Variants in SOX5 observed in about 807,000 individuals in gnomAD.
SOX5 encodes the protein transcription factor SOX-5.
SOX5 carries 9 observed loss-of-function variants against 92.0 expected under a neutral mutation model. The ratio of observed to expected loss-of-function variants is 0.10; its 90% CI spans 0.06 to 0.17. SOX5 has a LOEUF of 0.17. Among genes scored for constraint, SOX5 ranks in the 10% least tolerant of loss-of-function variants. The pLI, the probability that SOX5 is intolerant of heterozygous loss-of-function variation, is 1.00. For synonymous variants in SOX5, 344 were observed against 336.3 expected (o/e 1.02, Z -0.25); for missense variants, 642 against 944.5 (o/e 0.68, Z 4.20).
intron 3 of SOX5, among the ~76,000 whole-genome samples, chr12:24,276,930 A>G (rs1944498671): frequency 6.6e-6 from 1 of 152,118 alleles, no homozygotes; most frequent in Non-Finnish European, 1.5e-5. Context: ...AAAAGCTTTC[A>G]CAACTTCAGA....
chr12:24,201,539 T>C lies in SOX5; in HGVS notation c.-2+11804A>G, dbSNP rs192227670. On this transcript the variant is annotated intron_variant, in intron 4 of 4. Coordinates refer to the SOX5 transcript ENST00000446891. ...CTCATCTATAAAATATAGTTAATGA[T>C]GTCAATCTCTCTGCTGACATCTTGT... Among the ~76,000 whole-genome samples the C allele has an allele frequency of 2.6e-3, 398 of 152,344 alleles. 3 individuals carry two copies. The highest frequency in any genetic ancestry group is 9.1e-3 in the African/African-American group (378 of 41,576).
In SOX5 at chr12:23,534,473, C is replaced by T. The variant is rs773238080; in HGVS notation, c.2038G>A (p.Ala680Thr). 6 of 1,613,962 alleles carry T rather than the reference C, an allele frequency of 3.7e-6. No homozygotes were observed. The Admixed American group carries it at 1.0e-4, about 27-fold the overall frequency. ...IATAGVVYPG[A>T]IAMAGMPSPH... The stretch of plus-strand genomic sequence containing the variant: ...GAGGGCATCCCAGCCATGGCGATGG[C>T]TCCAGGGTACACAACACCAGCAGTG... The change falls in exon 15 of 15, where the codon GCC (alanine) becomes ACC (threonine). Residue 680 changes from alanine to threonine, a missense_variant. Coordinates refer to ENST00000451604, the MANE Select transcript of SOX5 (RefSeq NM_006940.6).
chr12:23,531,454 G>A lies in SOX5; in HGVS notation c.*2765C>T, dbSNP rs1168005032. 3.3e-5 allele frequency: 5 copies of A among 152,190 alleles called. No individual in the cohort carries two copies. Among genetic ancestry groups the A allele is most frequent in the Non-Finnish European group, 5.9e-5 (4 of 68,042 alleles). 9.4% of individuals were successfully genotyped at this position (152,190 alleles called of 1,614,324 possible). A position where few individuals can be genotyped will look rare whatever the true frequency, so the allele number is the denominator to read the frequency against. ...ATGCCTTCAATGGCATCTACCTGGA[G>A]CTAAAACAAAGTATTCTTGTAGCCC... On this transcript the variant is annotated 3_prime_UTR_variant, in exon 15 of 15. Coordinates refer to ENST00000451604, the MANE Select transcript of SOX5 (RefSeq NM_006940.6).
At chr12:24,157,459 G>C (rs145169846) in intron 4 of SOX5, among the ~76,000 whole-genome samples, 171 of 152,156 alleles carry the variant, frequency 1.1e-3, no homozygotes, top group Non-Finnish European at 1.8e-3. Flanking sequence ...GTCACAACTT[G>C]TTTCTCACCT....
At chr12:23,620,907 T>TA (rs1392666075) in intron 8 of SOX5, among the ~76,000 whole-genome samples, 5 of 152,124 alleles carry the variant, frequency 3.3e-5, no homozygotes, top group Admixed American at 3.3e-4. Flanking sequence ...CTACTCTAAA[T>TA]AATTAGAAAA....
chr12:24,550,721 C>G (rs755441146), intron 1 of SOX5, among the ~76,000 whole-genome samples: 1 of 152,228 alleles, frequency 6.6e-6, no homozygotes, highest in East Asian at 1.9e-4. Context: ...AAATTAAGCA[C>G]AGCAGGAAGA....
At chr12:23,779,637 G>A (rs1006382370) in intron 3 of SOX5, among the ~76,000 whole-genome samples, 1 of 151,154 alleles carries the variant, frequency 6.6e-6, no homozygotes, top group Non-Finnish European at 1.5e-5. Flanking sequence ...GACCTAAAGT[G>A]CATCATAAGG....
chr12:24,243,907 C>T (rs1014986898), intron 3 of SOX5, among the ~76,000 whole-genome samples: 19 of 152,016 alleles, frequency 1.2e-4, no homozygotes, highest in Non-Finnish European at 2.2e-4. Flanking sequence ...TGATTCTTCC[C>T]GGACATGATC....
At chr12:23,585,531 T>C (rs1465827513) in intron 9 of SOX5, among the ~76,000 whole-genome samples, 1 of 152,042 alleles carries the variant, frequency 6.6e-6, no homozygotes. Context: ...TAAGTAAAAA[T>C]AAAATTTAAA....
intron 6 of SOX5, among the ~76,000 whole-genome samples, chr12:23,728,384 G>C (rs574938738): frequency 6.6e-6 from 1 of 152,260 alleles, no homozygotes; most frequent in African/African-American, 2.4e-5. Flanking sequence ...CTCCAAAAGA[G>C]ACAAGGTTAC....
chr12:23,571,513 G>A lies in SOX5; in HGVS notation c.1342+4148C>T, dbSNP rs546289005. 2.0e-4 allele frequency among the ~76,000 whole-genome samples: 31 copies of A among 152,190 alleles called. No homozygotes were observed. In the South Asian group the frequency reaches 5.6e-3, roughly 27 times the overall value. On this transcript the variant is annotated intron_variant, in intron 10 of 14. Coordinates refer to ENST00000451604, the MANE Select transcript of SOX5 (RefSeq NM_006940.6). Reference sequence around the variant, plus strand: ...AAGCAAAACGTATGGCAAAGGAAGAGTATTTAAATCTCATTTATTGTATGG... The same window carrying A: ...AAGCAAAACGTATGGCAAAGGAAGAATATTTAAATCTCATTTATTGTATGG...
chr12:23,761,753 A>T (rs1435690583), intron 3 of SOX5, among the ~76,000 whole-genome samples: 1 of 152,128 alleles, frequency 6.6e-6, no homozygotes, highest in African/African-American at 2.4e-5. Flanking sequence ...ATTAGTAATT[A>T]TTTGATAGGT....
intron 4 of SOX5, among the ~76,000 whole-genome samples, chr12:24,132,197 TAA>T (rs1949712517): frequency 6.6e-6 from 1 of 152,150 alleles, no homozygotes; most frequent in Non-Finnish European, 1.5e-5. Flanking sequence ...AAACGATAGA[TAA>T]TCAGACAATG....
At chr12:23,588,238 T>C (rs1951016924) in intron 9 of SOX5, among the ~76,000 whole-genome samples, 1 of 151,944 alleles carries the variant, frequency 6.6e-6, no homozygotes, top group African/African-American at 2.4e-5. Flanking sequence ...TGAAAGAAAA[T>C]TCAAATAAAG....
chr12:23,716,135 A>T (rs1180042160), intron 6 of SOX5, among the ~76,000 whole-genome samples: 1 of 152,224 alleles, frequency 6.6e-6, no homozygotes, highest in Non-Finnish European at 1.5e-5. Context: ...TTTTTGGTAA[A>T]TCGTGTAACT....
intron 1 of SOX5, among the ~76,000 whole-genome samples, chr12:23,931,270 G>A (rs1424586187): frequency 6.6e-6 from 1 of 151,604 alleles, no homozygotes; most frequent in Non-Finnish European, 1.5e-5. Flanking sequence ...CTATATACGT[G>A]GTCCAATTTC....
chr12:23,640,834 C>G lies in SOX5; in HGVS notation c.995G>C (p.Gly332Ala). The G allele has an allele frequency of 2.5e-6, 4 of 1,613,902 alleles. No individual in the cohort carries two copies. The highest frequency in any genetic ancestry group is 3.4e-6 in the Non-Finnish European group (4 of 1,179,812). The change falls in exon 8 of 15, where the codon GGC (glycine) becomes GCC (alanine). Residue 332 changes from glycine to alanine, a missense_variant. Coordinates refer to ENST00000451604, the MANE Select transcript of SOX5 (RefSeq NM_006940.6). Reference protein sequence around the residue: ...TMAAAAAATPGLGPLQLQQLY... With the variant: ...TMAAAAAATPALGPLQLQQLY... ...TACCTGCAGTTGGAGTGGGCCTAAG[C>G]CTGGTGTTGCTGCGGCAGCAGCTGC...
chr12:23,740,998 C>A lies in SOX5; in HGVS notation c.610G>T (p.Gly204Cys). The change falls in exon 5 of 15, where the codon GGT (glycine) becomes TGT (cysteine). Residue 204 changes from glycine to cysteine, a missense_variant. Physicochemically the swap from Gly to Cys is radical, Grantham distance 159 (BLOSUM62 -3). This residue lies in a region of SOX5 where 324 missense variants were observed against 461.6 expected (regional missense o/e 0.70). Transcript: ENST00000451604. ...SLAEKERQLM[G>C]MINQLTSLRE... The stretch of plus-strand genomic sequence containing the variant: ...AGGCTGGTCAGCTGGTTGATCATAC[C>A]CATGAGTTGCCTTTCTTTCTCAGCT... 6.2e-7 allele frequency: 1 copy of A among 1,608,512 alleles called. No individual in the cohort carries two copies. Among genetic ancestry groups the A allele is most frequent in the South Asian group, 1.1e-5 (1 of 90,714 alleles).
rs71444197 is a variant in SOX5 at position 23,643,086 on chromosome 12, C to CAA, written c.932-2191_932-2190dup. Among the ~76,000 whole-genome samples, 192 of 62,546 alleles carry CAA rather than the reference C, an allele frequency of 3.1e-3. 4 individuals are homozygous for CAA. The highest frequency in any genetic ancestry group is 8.6e-3 in the African/African-American group (148 of 17,152). 41.0% of individuals were successfully genotyped at this position (62,546 alleles called of 152,430 possible). On this transcript the variant is annotated intron_variant, in intron 7 of 14. Transcript: ENST00000451604. ...TGGGCGACAGAGCGAGACTCCGTCT[C>CAA]AAAAAAAAAAAAAAAAAAAAAAGGT...
Sources: allele counts gnomAD v4.1 joint callset (sites outside exome capture counted in the v4.1 genomes callset), GRCh38; gene constraint gnomAD v4.1.1; regional missense constraint gnomAD v4.1.1; transcripts MANE v1.5; gene names NCBI Gene and HGNC (gene_info 2026-07-23, HGNC 2026-07-21).